The following MBD1 variants were observed in gnomAD, a reference collection of about 807,000 sequenced individuals.
MBD1 encodes the protein methyl-CpG-binding domain protein 1.
Under a neutral mutation model 82.6 loss-of-function variants are expected in MBD1, and 25 were observed. That is an observed-to-expected ratio of 0.30 (90% CI 0.22 to 0.42). MBD1 has a LOEUF of 0.42. MBD1 is among the 10% of genes least tolerant of loss of function. The pLI is 1.00. For synonymous variants in MBD1, 301 were observed against 303.7 expected, an observed-to-expected ratio of 0.99 and a Z score of 0.09; for missense variants, 627 against 819.6, an observed-to-expected ratio of 0.76 and a Z score of 2.87.
At chr18:50,275,295 A>G in intron 8 of MBD1, 50 bp from the exon 9 acceptor site, 1 of 1,611,228 alleles carries the variant, frequency 6.2e-7, no homozygotes. Flanking sequence ...CCAGGCAGAC[A>G]CAGAAACTCC....
chr18:50,277,058 C>T (rs745783912), intron 3 of MBD1, 32 bp downstream of exon 3: 7 of 1,613,526 alleles, frequency 4.3e-6, no homozygotes, highest in Non-Finnish European at 5.9e-6. Context: ...GGCACATCCA[C>T]CCCTACCTAG....
chr18:50,275,648 G>A lies in MBD1; in HGVS notation c.744C>T (p.Arg248=). 1 of 1,614,202 alleles carries A rather than the reference G, an allele frequency of 6.2e-7. No individual in the cohort carries two copies. The highest frequency in any genetic ancestry group is 2.2e-5 in the East Asian group (1 of 44,878). Reference sequence around the variant, plus strand: ...ATTTCCACTGGCGCCTGAGACCAGGGCGGGGAGGGCGAAGGCAGATGGGGC... The same window carrying A: ...ATTTCCACTGGCGCCTGAGACCAGGACGGGGAGGGCGAAGGCAGATGGGGC... ...GHCPICLRPP[R]PGLRRQWKCV... The change falls in exon 8 of 17, where the codon CGC becomes CGT. Residue 248 remains arginine, a synonymous_variant. Coordinates refer to ENST00000269468, the MANE Select transcript of MBD1 (RefSeq NM_015846.4).
Position 50,273,676 on chromosome 18 carries a change from C to T in MBD1, c.1334G>A (p.Gly445Asp). The change falls in exon 12 of 17, where the codon GGT becomes GAT. Residue 445 changes from glycine to aspartate, a missense_variant. This residue lies in a region of MBD1 where 265 missense variants were observed against 278.4 expected (regional missense o/e 0.95). Coordinates refer to ENST00000269468, the MANE Select transcript of MBD1 (RefSeq NM_015846.4). ...TQAPTKQEAG[G>D]GFVLPPPGTD... The stretch of plus-strand genomic sequence containing the variant: ...GCCAGGCGGGGGCAGCACAAAGCCA[C>T]CACCTGCTTCCTGCTTCGTTGGAGC... The T allele has an allele frequency of 6.2e-7, 1 of 1,614,128 alleles. No individual in the cohort carries two copies. The highest frequency in any genetic ancestry group is 1.1e-5 in the South Asian group (1 of 91,090).
intron 16 of MBD1, 121 bp downstream of exon 16, chr18:50,271,348 T>C (rs540899754): frequency 1.3e-6 from 2 of 1,582,774 alleles, no homozygotes; most frequent in Admixed American, 3.6e-5. Flanking sequence ...CCTGCTCTTC[T>C]GGTTTGGTAG....
Position 50,272,720 on chromosome 18 carries a change from G to A in MBD1, c.1735C>T (p.Leu579=), listed in dbSNP as rs1005161632. The part of the protein sequence containing the change: ...GTPVITEIFS[L]GGTRFRDTAV... ...GTATCTCGGAAGCGGGTTCCACCCA[G>A]GCTGAAAATCTCCGTGATCTAGAGA... The change falls in exon 15 of 17, where the codon CTG becomes TTG. Residue 579 remains leucine (L), a synonymous_variant. Coordinates refer to ENST00000269468, the MANE Select transcript of MBD1 (RefSeq NM_015846.4). 1.9e-5 allele frequency: 31 copies of A among 1,614,098 alleles called. No homozygotes were observed. Among genetic ancestry groups the A allele is most frequent in the Admixed American group, 3.3e-5 (2 of 60,014 alleles).
chr18:50,273,289 A>C (rs777932498), intron 13 of MBD1, 45 bp downstream of exon 13: 25 of 1,611,202 alleles, frequency 1.6e-5, no homozygotes. Context: ...CTGCTTACAG[A>C]CCACTCCGCT....
rs1035430398 is a variant in MBD1, at chr18:50,268,928, G to A, written c.*923C>T. ...AACTAAATTATTTCCAATTCCTACT[G>A]TGCCCCAAACAAGGTTCACAAAAGG... On this transcript the variant is annotated 3_prime_UTR_variant, in exon 17 of 17. Coordinates refer to ENST00000269468, the MANE Select transcript of MBD1 (RefSeq NM_015846.4). 6.1e-6 allele frequency: 6 copies of A among 984,788 alleles called. No homozygotes were observed. Among genetic ancestry groups the A allele is most frequent in the Middle Eastern group, 5.2e-4 (1 of 1,936 alleles). 61.0% of individuals were successfully genotyped at this position (984,788 alleles called of 1,614,324 possible). A position where few individuals can be genotyped will look rare whatever the true frequency, so the allele number is the denominator to read the frequency against.
Position 50,281,114 on chromosome 18 carries a change from G to C in MBD1, c.-26+249C>G, listed in dbSNP as rs560440615. On this transcript the variant is annotated intron_variant, in intron 1 of 16. Transcript: ENST00000269468. Reference sequence around the variant, plus strand: ...CCCCGATGTCTCCCTTTAGCGTTCTGATCTCCACCATTCCTCTCCGTCCTC... The same window carrying C: ...CCCCGATGTCTCCCTTTAGCGTTCTCATCTCCACCATTCCTCTCCGTCCTC... The C allele has an allele frequency of 1.1e-5, 16 of 1,514,514 alleles. No individual in the cohort carries two copies. In the South Asian group the frequency reaches 1.4e-4, roughly 14 times the overall value. The allele number at this position is 1,514,514 out of a possible 1,614,324, so 93.8% of individuals were successfully genotyped here.
chr18:50,267,449 G>C, downstream of MBD1: 2 of 629,850 alleles, frequency 3.2e-6, no homozygotes, highest in Non-Finnish European at 5.8e-6. Context: ...AGATCAAATG[G>C]ACTAGTGGGG....
chr18:50,277,347 T>C (rs1031281635), intron 2 of MBD1, 143 bp from the exon 3 acceptor site: 6 of 692,450 alleles, frequency 8.7e-6, no homozygotes, highest in African/African-American at 7.2e-5. Context: ...TCAACTAACC[T>C]TGAAAACATA....
In MBD1 at chr18:50,273,551, G is replaced by A. The variant is rs1156773518; in HGVS notation, c.1446+13C>T. On this transcript the variant is annotated intron_variant, in intron 12 of 16. Transcript: ENST00000269468. ...GGTGAGGCTGGGAAGGCAGGACAGG[G>A]TGGGGCCCTCACCTGCAACAGGGCT... 2 of 1,613,022 alleles carry A rather than the reference G, an allele frequency of 1.2e-6. No homozygotes were observed. Among genetic ancestry groups the A allele is most frequent in the Admixed American group, 1.7e-5 (1 of 60,034 alleles).
In MBD1 at chr18:50,277,072, T is replaced by G. The variant is rs1292384792; in HGVS notation, c.225+18A>C. ...TGGCACATCCACCCCTACCTAGGTA[T>G]CTCATGTTGTGAAGTACCTTGGGGG... On this transcript the variant is annotated intron_variant, in intron 3 of 16. Coordinates refer to ENST00000269468, the MANE Select transcript of MBD1 (RefSeq NM_015846.4). The G allele has an allele frequency of 4.3e-6, 7 of 1,613,316 alleles. No individual in the cohort carries two copies. The highest frequency in any genetic ancestry group is 5.9e-6 in the Non-Finnish European group (7 of 1,179,202).
intron 14 of MBD1, 30 bp downstream of exon 14, chr18:50,272,794 A>C: frequency 6.2e-7 from 1 of 1,613,614 alleles, no homozygotes; most frequent in East Asian, 2.2e-5. Flanking sequence ...CAGCAGGGTC[A>C]GGGCAGGGTG....
intron 13 of MBD1, 124 bp downstream of exon 13, chr18:50,273,210 T>G: frequency 7.1e-7 from 1 of 1,417,188 alleles, no homozygotes; most frequent in Non-Finnish European, 9.7e-7. Flanking sequence ...GCGGGGTAAT[T>G]CTGCAGAAAC....
intron 5 of MBD1, 44 bp from the exon 6 acceptor site, chr18:50,276,462 C>T: frequency 3.8e-6 from 6 of 1,598,364 alleles, no homozygotes; most frequent in Non-Finnish European, 5.1e-6. Flanking sequence ...AAGGAAGCAA[C>T]AGACATCTGA....
Position 50,273,734 on chromosome 18 carries a change from C to A in MBD1, c.1276G>T (p.Ala426Ser). The stretch of plus-strand genomic sequence containing the variant: ...TGGTCTGGTTGGGCTGTGCGTGTAG[C>A]CAAGGTGGGCTTCAAGGTAGGGCCA... ...HLGPTLKPTLATRTAQPDHTQ... is the reference protein window; with the variant it reads ...HLGPTLKPTLSTRTAQPDHTQ... The change falls in exon 12 of 17, where the codon GCT (alanine) becomes TCT (serine). Residue 426 changes from alanine (A) to serine (S), a missense_variant. Physicochemically the swap from Ala to Ser is moderately conservative, Grantham distance 99 (BLOSUM62 1). Coordinates refer to ENST00000269468, the MANE Select transcript of MBD1 (RefSeq NM_015846.4). 3.7e-6 allele frequency: 6 copies of A among 1,614,164 alleles called. No homozygotes were observed. The highest frequency in any genetic ancestry group is 5.1e-6 in the Non-Finnish European group (6 of 1,180,046).
chr18:50,274,552 T>C (rs2036962147), intron 10 of MBD1, among the ~76,000 whole-genome samples, 199 bp from the exon 11 acceptor site: 1 of 152,218 alleles, frequency 6.6e-6, no homozygotes, highest in African/African-American at 2.4e-5. Flanking sequence ...CTGTGCCAGC[T>C]GGCCCTCGAT....
chr18:50,269,845 GACA>G (rs2034733475), intron 16 of MBD1, 27 bp from the exon 17 acceptor site: 1 of 831,860 alleles, frequency 1.2e-6, no homozygotes, highest in Non-Finnish European at 2.2e-6. Flanking sequence ...TAGATGCAAA[GACA>G]ACAGCCTTAC....
intron 3 of MBD1, 31 bp from the exon 4 acceptor site, chr18:50,277,029 C>T (rs2038194064): frequency 1.2e-6 from 2 of 1,614,064 alleles, no homozygotes; most frequent in South Asian, 2.2e-5. Context: ...GAATATGGGT[C>T]AGTGGTTGGG....
Sources: gnomAD v4.1 joint callset for allele counts (sites outside exome capture counted in the v4.1 genomes callset) on GRCh38, gnomAD v4.1.1 for gene constraint, gnomAD v4.1.1 regional missense constraint, MANE v1.5 for transcripts, NCBI Gene and HGNC (gene_info 2026-07-23, HGNC 2026-07-21) for gene names.